FNDC3A: variants seen among roughly 807,000 people sequenced by gnomAD.
FNDC3A encodes the protein fibronectin type III domain containing 3A.
FNDC3A carries 32 observed loss-of-function variants against 148.9 expected under a neutral mutation model. The observed-to-expected ratio is 0.21, with a 90% CI of 0.16 to 0.29. The LOEUF (loss-of-function observed/expected upper bound fraction) is 0.29, where lower values mean the gene tolerates loss of function less well. Among genes scored for constraint, FNDC3A ranks in the 10% least tolerant of loss-of-function variants. The pLI, the probability that FNDC3A is intolerant of heterozygous loss-of-function variation, is 1.00. For missense variants in FNDC3A, 1,191 were observed against 1,452.8 expected, an observed-to-expected ratio of 0.82 and a Z score of 2.93; for synonymous variants, 472 against 473.6, an observed-to-expected ratio of 1.00 and a Z score of 0.04.
chr13:49,060,841 G>A (rs1876631286), intron 2 of FNDC3A, among the ~76,000 whole-genome samples: 1 of 152,018 alleles, frequency 6.6e-6, no homozygotes, highest in South Asian at 2.1e-4. Context: ...TCGGAATAGG[G>A]TAGAATGTAG....
chr13:49,005,265 C>T (rs1216953913), intron 1 of FNDC3A, among the ~76,000 whole-genome samples: 1 of 151,770 alleles, frequency 6.6e-6, no homozygotes, highest in Admixed American at 6.6e-5. Flanking sequence ...AAAGTTAACC[C>T]TCTTGACACT....
chr13:49,006,167 C>T lies in FNDC3A; in HGVS notation c.-24C>T. The stretch of plus-strand genomic sequence containing the variant: ...TGTTTTTCAGAATTGGAGCGTTATT[C>T]AGTATATTAATGTCTTATTGATAAT... On this transcript the variant is annotated 5_prime_UTR_variant, in exon 2 of 26. Coordinates refer to ENST00000492622, the MANE Select transcript of FNDC3A (RefSeq NM_001079673.2). The T allele has an allele frequency of 2.3e-6, 3 of 1,289,786 alleles. No homozygotes were observed. Among genetic ancestry groups the T allele is most frequent in the South Asian group, 1.2e-5 (1 of 81,394 alleles). 79.9% of individuals were successfully genotyped at this position (1,289,786 alleles called of 1,614,324 possible).
intron 1 of FNDC3A, among the ~76,000 whole-genome samples, chr13:48,982,296 G>A (rs1951707887): frequency 6.6e-6 from 1 of 151,644 alleles, no homozygotes; most frequent in African/African-American, 2.4e-5. Context: ...TTATGTCTTT[G>A]TTCTTATGAC....
At chr13:49,114,931 C>T (rs537685139) in intron 4 of FNDC3A, among the ~76,000 whole-genome samples, 200 bp downstream of exon 4, 1 of 152,206 alleles carries the variant, frequency 6.6e-6, no homozygotes, top group Non-Finnish European at 1.5e-5. Context: ...CATCATTTGT[C>T]CTTGTCTTTG....
At chr13:49,075,510 G>T in intron 3 of FNDC3A, 146 bp downstream of exon 3, 1 of 546,354 alleles carries the variant, frequency 1.8e-6, no homozygotes, top group Non-Finnish European at 3.3e-6. Context: ...TAGCATTTAA[G>T]TATTGCAGTG....
intron 4 of FNDC3A, among the ~76,000 whole-genome samples, chr13:49,121,731 T>C (rs190313865): frequency 6.6e-6 from 1 of 152,082 alleles, no homozygotes; most frequent in East Asian, 1.9e-4. Context: ...TCTATGCAAA[T>C]AAACTAGAAA....
chr13:48,983,570 C>T (rs996873493), intron 1 of FNDC3A, among the ~76,000 whole-genome samples: 1 of 152,176 alleles, frequency 6.6e-6, no homozygotes, highest in Non-Finnish European at 1.5e-5. Context: ...AGGCAGCAGA[C>T]CAGATTTGGC....
chr13:49,157,889 C>T (rs1469713166), intron 8 of FNDC3A, among the ~76,000 whole-genome samples: 1 of 140,268 alleles, frequency 7.1e-6, no homozygotes, highest in Non-Finnish European at 1.5e-5. Flanking sequence ...CTCAGATCTC[C>T]AGCTGCGTGC....
chr13:49,172,885 G>C (rs1328723325), intron 11 of FNDC3A, among the ~76,000 whole-genome samples: 2 of 152,112 alleles, frequency 1.3e-5, no homozygotes, highest in Non-Finnish European at 2.9e-5. Context: ...CCAGTCTTTT[G>C]GCTTCCTTGG....
At chr13:49,133,017 G>A (rs910696832) in intron 5 of FNDC3A, among the ~76,000 whole-genome samples, 1 of 152,168 alleles carries the variant, frequency 6.6e-6, no homozygotes, top group Non-Finnish European at 1.5e-5. Flanking sequence ...ATTTGCAGAA[G>A]AAATAACTTC....
At chr13:48,993,399 C>A (rs1951956795) in intron 1 of FNDC3A, among the ~76,000 whole-genome samples, 1 of 152,130 alleles carries the variant, frequency 6.6e-6, no homozygotes, top group African/African-American at 2.4e-5. Context: ...CCCTGCAGGT[C>A]ATTCTGATAC....
chr13:49,170,256 C>G (rs1884685649), intron 10 of FNDC3A, among the ~76,000 whole-genome samples: 1 of 152,118 alleles, frequency 6.6e-6, no homozygotes, highest in Admixed American at 6.6e-5. Flanking sequence ...GAGGATTAAA[C>G]AGGTAACATC....
chr13:49,114,507 G>A (rs1242234461), intron 3 of FNDC3A, 148 bp from the exon 4 acceptor site: 2 of 369,494 alleles, frequency 5.4e-6, no homozygotes, highest in African/African-American at 2.3e-5. Context: ...TTTATAACAA[G>A]TCAATCATCT....
intron 3 of FNDC3A, chr13:49,110,279 T>G (rs1880472086): frequency 6.9e-7 from 1 of 1,446,870 alleles, no homozygotes; most frequent in Non-Finnish European, 9.3e-7. Flanking sequence ...GGTCAAAGGA[T>G]CTTTTCCTCT....
intron 2 of FNDC3A, among the ~76,000 whole-genome samples, chr13:49,013,067 G>A (rs1055188608): frequency 1.3e-5 from 2 of 152,088 alleles, no homozygotes; most frequent in Non-Finnish European, 2.9e-5. Context: ...AGTAATCCCA[G>A]CATTTTGGGA....
chr13:49,174,070 G>T (rs777900041), intron 11 of FNDC3A, among the ~76,000 whole-genome samples: 1 of 152,086 alleles, frequency 6.6e-6, no homozygotes, highest in African/African-American at 2.4e-5. Context: ...GCTTTCCATA[G>T]GTTGAAAAAA....
intron 2 of FNDC3A, among the ~76,000 whole-genome samples, chr13:49,015,290 A>G (rs1293224530): frequency 6.6e-6 from 1 of 152,136 alleles, no homozygotes; most frequent in African/African-American, 2.4e-5. Flanking sequence ...AATGGTTTGT[A>G]GTTCTCCTTG....
At chr13:49,016,200 C>G (rs928822251) in intron 2 of FNDC3A, among the ~76,000 whole-genome samples, 2 of 152,186 alleles carry the variant, frequency 1.3e-5, no homozygotes, top group Non-Finnish European at 2.9e-5. Flanking sequence ...CCTTCTATCT[C>G]TGGTAGAATT....
chr13:49,174,361 CAAG>C, intron 11 of FNDC3A, 71 bp from the exon 12 acceptor site: 1 of 1,270,740 alleles, frequency 7.9e-7, no homozygotes, highest in South Asian at 1.3e-5. Flanking sequence ...ATGTAACTGT[CAAG>C]AAGGAATTGA....
Sources: gnomAD v4.1 joint callset for allele counts (sites outside exome capture counted in the v4.1 genomes callset) on GRCh38, gnomAD v4.1.1 for gene constraint, MANE v1.5 for transcripts, NCBI Gene and HGNC (gene_info 2026-07-23, HGNC 2026-07-21) for gene names.